Variants in SLC1A3 observed in about 807,000 individuals in gnomAD.
SLC1A3 encodes the protein excitatory amino acid transporter 1.
A neutral mutation model predicts 48.1 loss-of-function variants in SLC1A3; 21 were observed. That is an observed-to-expected ratio of 0.44 (90% CI 0.31 to 0.63). The LOEUF is 0.63. SLC1A3 is among the 20% of genes least tolerant of loss of function. SLC1A3 has a pLI of 0.08. For synonymous variants in SLC1A3, 239 were observed against 251.4 expected (o/e 0.95, Z 0.47); for missense variants, 546 against 689.0 (o/e 0.79, Z 2.32).
upstream of SLC1A3, among the ~76,000 whole-genome samples, chr5:36,602,387 G>T (rs1738818763): frequency 6.6e-6 from 1 of 152,160 alleles, no homozygotes; most frequent in South Asian, 2.1e-4. Context: ...ATTAGATAAT[G>T]TGTGTAGAAG....
In SLC1A3 at chr5:36,677,114, G is replaced by A; in HGVS notation, c.790G>A (p.Gly264Arg). Residue 264 changes from glycine to arginine, a missense_variant, in exon 6 of 10, where the codon GGG (glycine) becomes AGG (arginine). Physicochemically the swap from Gly to Arg is moderately radical, Grantham distance 125 (BLOSUM62 -2). Coordinates refer to ENST00000265113, the MANE Select transcript of SLC1A3 (RefSeq NM_004172.5). ...GFVIGNMKEQ[G>R]QALREFFDSL... is the part of the protein sequence containing the mutation. Reference sequence around the variant, plus strand: ...TGTGATTGGAAACATGAAGGAACAGGGGCAGGCCCTGAGAGAGTTCTTTGA... The same window carrying A: ...TGTGATTGGAAACATGAAGGAACAGAGGCAGGCCCTGAGAGAGTTCTTTGA... The A allele has an allele frequency of 1.2e-6, 2 of 1,614,130 alleles. No homozygotes were observed. The highest frequency in any genetic ancestry group is 1.7e-6 in the Non-Finnish European group (2 of 1,179,974).
At chr5:36,639,344 A>C (rs1379729325) in intron 3 of SLC1A3, among the ~76,000 whole-genome samples, 1 of 152,206 alleles carries the variant, frequency 6.6e-6, no homozygotes, top group African/African-American at 2.4e-5. Flanking sequence ...CGGCACTATT[A>C]ATCTTTCACA....
At chr5:36,625,289 C>T (rs1251388007) in intron 2 of SLC1A3, among the ~76,000 whole-genome samples, 2 of 152,158 alleles carry the variant, frequency 1.3e-5, no homozygotes, top group African/African-American at 4.8e-5. Context: ...AGAACCCCAT[C>T]TCTACTAAAA....
intron 2 of SLC1A3, among the ~76,000 whole-genome samples, chr5:36,612,456 A>G (rs115798394): frequency 0.011 from 1,695 of 152,116 alleles, 36 homozygotes; most frequent in African/African-American, 0.038. Context: ...GTAGTGGTAC[A>G]TGTCTGTAGT....
intron 3 of SLC1A3, among the ~76,000 whole-genome samples, chr5:36,643,561 C>G (rs1171779057): frequency 6.6e-6 from 1 of 152,034 alleles, no homozygotes; most frequent in Non-Finnish European, 1.5e-5. Context: ...AAACTTACAC[C>G]TTGTAAAAAC....
chr5:36,653,083 G>A (rs1741149245), intron 3 of SLC1A3, among the ~76,000 whole-genome samples: 1 of 152,206 alleles, frequency 6.6e-6, no homozygotes, highest in Middle Eastern at 3.2e-3. Flanking sequence ...GAGATTGAAT[G>A]CTTTGCCCAT....
intron 3 of SLC1A3, chr5:36,669,185 T>A (rs1311790693): frequency 6.6e-6 from 1 of 152,202 alleles, no homozygotes. Context: ...CAGGCACTCA[T>A]GGGAAAGAGA....
chr5:36,664,392 C>A (rs1050784116), intron 3 of SLC1A3, among the ~76,000 whole-genome samples: 5 of 151,790 alleles, frequency 3.3e-5, no homozygotes, highest in Non-Finnish European at 7.4e-5. Flanking sequence ...CTCGGCCTCC[C>A]AAAGTGCTGG....
chr5:36,652,210 T>A (rs1478804937), intron 3 of SLC1A3, among the ~76,000 whole-genome samples: 1 of 152,176 alleles, frequency 6.6e-6, no homozygotes, highest in African/African-American at 2.4e-5. Flanking sequence ...CAGTGAGTGT[T>A]ACATGAGAGT....
In SLC1A3 at chr5:36,629,427, CTTTTT is replaced by C. The variant is rs78316512; in HGVS notation, c.182-12_182-8del. 1.1e-5 allele frequency: 16 copies of C among 1,456,280 alleles called. No individual in the cohort carries two copies. Among genetic ancestry groups the C allele is most frequent in the Admixed American group, 3.6e-5 (2 of 55,200 alleles). 90.2% of individuals were successfully genotyped at this position (1,456,280 alleles called of 1,614,324 possible). ...CAAAAAAGACTCAATTTTTCTTTTT[CTTTTT>C]TTTTTTTTTTCCTTCAGGTACAATC... On this transcript the variant is annotated intron_variant, in intron 2 of 9. Coordinates refer to ENST00000265113, the MANE Select transcript of SLC1A3 (RefSeq NM_004172.5).
At chr5:36,639,774 T>C (rs1231951135) in intron 3 of SLC1A3, among the ~76,000 whole-genome samples, 1 of 152,214 alleles carries the variant, frequency 6.6e-6, no homozygotes, top group African/African-American at 2.4e-5. Flanking sequence ...TGCTTACTAT[T>C]TGTGTAAGTA....
At chr5:36,605,974 A>G (rs1408102023), upstream of SLC1A3, among the ~76,000 whole-genome samples, 1 of 152,244 alleles carries the variant, frequency 6.6e-6, no homozygotes, top group Non-Finnish European at 1.5e-5. Flanking sequence ...CAAAAATTCC[A>G]GTCTCTTTAC....
chr5:36,675,730 T>C (rs1034804641), intron 5 of SLC1A3, among the ~76,000 whole-genome samples: 1 of 152,250 alleles, frequency 6.6e-6, no homozygotes, highest in Non-Finnish European at 1.5e-5. Context: ...AATTTTTTTG[T>C]TGCTTGAAAT....
At chr5:36,596,960 C>T (rs1247036225) in intron 1 of SLC1A3, among the ~76,000 whole-genome samples, 2 of 152,108 alleles carry the variant, frequency 1.3e-5, no homozygotes, top group African/African-American at 2.4e-5. Flanking sequence ...AGAATGTTGC[C>T]GCCTGGGGGT....
chr5:36,667,025 T>C (rs998203811), intron 3 of SLC1A3, among the ~76,000 whole-genome samples: 2 of 152,244 alleles, frequency 1.3e-5, no homozygotes, highest in Non-Finnish European at 2.9e-5. Flanking sequence ...TCTTATTCAG[T>C]CTCCTTCTGA....
At chr5:36,601,871 C>T (rs1250279430), upstream of SLC1A3, among the ~76,000 whole-genome samples, 1 of 152,042 alleles carries the variant, frequency 6.6e-6, no homozygotes, top group Non-Finnish European at 1.5e-5. Context: ...CTGATGAACC[C>T]TCTTGTGTTT....
intron 3 of SLC1A3, among the ~76,000 whole-genome samples, chr5:36,670,451 T>C (rs1445334118): frequency 6.6e-6 from 1 of 152,140 alleles, no homozygotes; most frequent in Non-Finnish European, 1.5e-5. Flanking sequence ...AAATGCAAAT[T>C]GAAGATAGAT....
At chr5:36,608,702 C>T in intron 2 of SLC1A3, 98 bp downstream of exon 2, 2 of 1,553,330 alleles carry the variant, frequency 1.3e-6, no homozygotes, top group Non-Finnish European at 1.7e-6. Flanking sequence ...TTGTAGGTAT[C>T]AAAATGGTAG....
At chr5:36,614,209 G>C (rs549595351) in intron 2 of SLC1A3, among the ~76,000 whole-genome samples, 33 of 152,320 alleles carry the variant, frequency 2.2e-4, no homozygotes, top group African/African-American at 6.5e-4. Flanking sequence ...CTAAGTGCTT[G>C]CCAGGTAAAG....
Sources: allele counts gnomAD v4.1 joint callset (sites outside exome capture counted in the v4.1 genomes callset), GRCh38; gene constraint gnomAD v4.1.1; transcripts MANE v1.5; gene names NCBI Gene and HGNC (gene_info 2026-07-23, HGNC 2026-07-21).